DST: variants seen among roughly 807,000 people sequenced by gnomAD.
DST encodes the protein bullous pemphigoid antigen.
A neutral mutation model predicts 875.2 loss-of-function variants in DST; 253 were observed. The ratio of observed to expected loss-of-function variants is 0.29; its 90% CI spans 0.26 to 0.32. DST has a LOEUF of 0.32. DST is among the 10% of genes least tolerant of loss of function. The pLI, the probability that DST is intolerant of heterozygous loss-of-function variation, is 1.00. For missense variants in DST, 8,287 were observed against 9,111.6 expected (o/e 0.91, Z 3.68); for synonymous variants, 3,124 against 3,197.1 (o/e 0.98, Z 0.77).
intron 74 of DST, 96 bp from the exon 75 acceptor site, chr6:56,508,851 T>A (rs953522010): frequency 6.9e-5 from 69 of 1,004,346 alleles, no homozygotes; most frequent in Non-Finnish European, 1.5e-6. Context: ...GTGATCCAAT[T>A]TGCTAAGTAT....
intron 2 of DST, among the ~76,000 whole-genome samples, chr6:56,908,587 T>C (rs921948372): frequency 6.6e-6 from 1 of 152,152 alleles, no homozygotes; most frequent in African/African-American, 2.4e-5. Context: ...TCAGAGGCGT[T>C]TGAACCAGAG....
intron 2 of DST, among the ~76,000 whole-genome samples, chr6:56,907,609 A>C (rs1038244697): frequency 6.6e-6 from 1 of 152,224 alleles, no homozygotes; most frequent in African/African-American, 2.4e-5. Context: ...TTCTGCTCTT[A>C]TGTAAAGAGA....
intron 10 of DST, among the ~76,000 whole-genome samples, chr6:56,670,227 ATTTT>A: frequency 6.8e-6 from 1 of 147,082 alleles, no homozygotes; most frequent in East Asian, 2.0e-4. Context: ...TGATTTTTAA[ATTTT>A]TTTTTTTATT....
At chr6:56,555,197 G>C (rs2097392722) in intron 60 of DST, 148 bp downstream of exon 60, 4 of 838,170 alleles carry the variant, frequency 4.8e-6, no homozygotes, top group Non-Finnish European at 7.1e-6. Flanking sequence ...ACTGCTCTCT[G>C]AGCTCCTGTA....
chr6:56,720,979 C>T (rs963782887), intron 5 of DST, among the ~76,000 whole-genome samples: 1 of 151,232 alleles, frequency 6.6e-6, no homozygotes, highest in Non-Finnish European at 1.5e-5. Flanking sequence ...GGCAGAGGCG[C>T]CCCCCGCCAC....
At chr6:56,891,691 G>A (rs750377521) in intron 3 of DST, among the ~76,000 whole-genome samples, 3 of 151,712 alleles carry the variant, frequency 2.0e-5, no homozygotes, top group Non-Finnish European at 2.9e-5. Context: ...CCGTGATTGC[G>A]CGACTGCACT....
intron 4 of DST, among the ~76,000 whole-genome samples, chr6:56,756,237 C>G (rs2099602783): frequency 1.3e-5 from 2 of 152,052 alleles, no homozygotes; most frequent in Admixed American, 6.6e-5. Context: ...ACAGAAGTGT[C>G]TGTGTGTCTG....
intron 4 of DST, among the ~76,000 whole-genome samples, chr6:56,751,297 A>G (rs1300649000): frequency 2.0e-5 from 3 of 152,194 alleles, no homozygotes; most frequent in Non-Finnish European, 2.9e-5. Context: ...GACGTCACCA[A>G]TAGGGAAAAA....
chr6:56,672,919 C>T (rs775645708), intron 9 of DST, among the ~76,000 whole-genome samples: 4 of 152,084 alleles, frequency 2.6e-5, no homozygotes, highest in African/African-American at 7.2e-5. Flanking sequence ...TGAAAATCTA[C>T]GATCGCAACG....
chr6:56,890,323 T>C (rs1786785999), intron 3 of DST, among the ~76,000 whole-genome samples: 1 of 152,218 alleles, frequency 6.6e-6, no homozygotes, highest in South Asian at 2.1e-4. Context: ...GTTCTTATGA[T>C]GATGATGATG....
At chr6:56,570,737 G>A (rs535146398) in intron 53 of DST, among the ~76,000 whole-genome samples, 1 of 152,212 alleles carries the variant, frequency 6.6e-6, no homozygotes, top group East Asian at 1.9e-4. Context: ...ATAAAGATAG[G>A]AGTATTCAAG....
In DST at chr6:56,497,849, T is replaced by C; in HGVS notation, c.20094+7A>G. The C allele has an allele frequency of 6.3e-7, 1 of 1,596,904 alleles. No homozygotes were observed. The highest frequency in any genetic ancestry group is 8.5e-7 in the Non-Finnish European group (1 of 1,171,794). On this transcript the variant is annotated splice_region_variant and intron_variant, in intron 81 of 103. Transcript: ENST00000680361. ...TAAAAACTTTCAGAATTTATTCTCT[T>C]ACTCACCTGGCGCAAGGCACCATCC...
chr6:56,568,449 A>G lies in DST; in HGVS notation c.14005+20T>C. On this transcript the variant is annotated intron_variant, in intron 55 of 103. Coordinates refer to ENST00000680361, the MANE Select transcript of DST (RefSeq NM_001374736.1). The stretch of plus-strand genomic sequence containing the variant: ...AACCTGATTCTTAGTTTTTGCCATA[A>G]ATGTAAATAAAGCTCATACCTGATT... The G allele has an allele frequency of 6.3e-7, 1 of 1,575,650 alleles. No homozygotes were observed. Among genetic ancestry groups the G allele is most frequent in the Non-Finnish European group, 8.6e-7 (1 of 1,168,348 alleles).
At chr6:56,822,913 C>G (rs146837623) in intron 4 of DST, among the ~76,000 whole-genome samples, 3,345 of 151,936 alleles carry the variant, frequency 0.022, 64 homozygotes, top group Middle Eastern at 0.082. Context: ...CTGCAACCTC[C>G]GAATCCCGTG....
In DST at chr6:56,472,232, T is replaced by C. The variant is rs780426246; in HGVS notation, c.21995-10A>G. ...GCTGGAAAGCGTTTTCCTGTGAAGGTATAACTTCGGTTAGGATGGCAGTTT... is the reference window on the plus strand; with the variant it reads ...GCTGGAAAGCGTTTTCCTGTGAAGGCATAACTTCGGTTAGGATGGCAGTTT... On this transcript the variant is annotated splice_polypyrimidine_tract_variant and intron_variant, in intron 93 of 103. Coordinates refer to ENST00000680361, the MANE Select transcript of DST (RefSeq NM_001374736.1). The C allele has an allele frequency of 1.2e-5, 20 of 1,612,508 alleles. No homozygotes were observed. The highest frequency in any genetic ancestry group is 1.7e-5 in the Non-Finnish European group (20 of 1,179,186).
chr6:56,841,091 T>C (rs756195617), intron 4 of DST, among the ~76,000 whole-genome samples: 2 of 152,218 alleles, frequency 1.3e-5, no homozygotes, highest in Non-Finnish European at 2.9e-5. Flanking sequence ...TGACACTCCC[T>C]ATTCAAAGCC....
chr6:56,824,228 C>A lies in DST; in HGVS notation c.625+27169G>T, dbSNP rs2099776699. Reference sequence around the variant, plus strand: ...GTTTCGCTTTGTTGGCCGGGCTGGTCTCCAGCTCCTAACCGCGAGTGATCC... The same window carrying A: ...GTTTCGCTTTGTTGGCCGGGCTGGTATCCAGCTCCTAACCGCGAGTGATCC... On this transcript the variant is annotated intron_variant, in intron 4 of 103. Coordinates refer to ENST00000680361, the MANE Select transcript of DST (RefSeq NM_001374736.1). 2.6e-5 allele frequency among the ~76,000 whole-genome samples: 4 copies of A among 152,236 alleles called. 1 individual carries two copies. The highest frequency in any genetic ancestry group is 2.6e-4 in the Admixed American group (4 of 15,290).
At chr6:56,615,420 T>G in intron 36 of DST, 1 of 1,583,102 alleles carries the variant, frequency 6.3e-7, no homozygotes, top group South Asian at 1.1e-5. Context: ...TGTTACATAA[T>G]TCACAGACTG....
intron 61 of DST, among the ~76,000 whole-genome samples, chr6:56,548,531 T>C (rs1447784407): frequency 1.3e-5 from 2 of 152,246 alleles, no homozygotes; most frequent in Non-Finnish European, 2.9e-5. Flanking sequence ...AATGTGTTAA[T>C]ATTAATGTTA....
Sources: gnomAD v4.1 joint callset for allele counts (sites outside exome capture counted in the v4.1 genomes callset) on GRCh38, gnomAD v4.1.1 for gene constraint, MANE v1.5 for transcripts, NCBI Gene and HGNC (gene_info 2026-07-23, HGNC 2026-07-21) for gene names.